The following ATOSA variants were observed in gnomAD, a reference collection of about 807,000 sequenced individuals.
The protein encoded by ATOSA is atos homolog protein A.
At chr15:52,694,641 A>G in the ATOSA span, among the ~76,000 whole-genome samples, 1 of 151,954 alleles carries the variant, frequency 6.6e-6, no homozygotes, top group African/African-American at 2.4e-5. Flanking sequence ...CGAATATAGC[A>G]AGACCCCGCC....
At chr15:52,684,261 A>G in the ATOSA span, among the ~76,000 whole-genome samples, 1 of 152,212 alleles carries the variant, frequency 6.6e-6, no homozygotes, top group Non-Finnish European at 1.5e-5. Context: ...TCAGCTGGGC[A>G]TGGTAGCTCA....
At chr15:52,649,446 AT>A in the ATOSA span, 16 of 152,140 alleles carry the variant, frequency 1.1e-4, no homozygotes, top group African/African-American at 3.9e-4. Context: ...TAAGTTACAT[AT>A]TTTTTAAAGA....
the ATOSA span, among the ~76,000 whole-genome samples, chr15:52,628,622 C>A: frequency 6.6e-6 from 1 of 151,990 alleles, no homozygotes. Flanking sequence ...AAAACACTAT[C>A]CTAGATACAG....
chr15:52,622,220 T>C, the ATOSA span, among the ~76,000 whole-genome samples: 2 of 152,246 alleles, frequency 1.3e-5, no homozygotes, highest in African/African-American at 4.8e-5. Context: ...GGTAACAGTA[T>C]ACTGGTTCTG....
the ATOSA span, among the ~76,000 whole-genome samples, chr15:52,589,776 A>G: frequency 2.1e-3 from 321 of 152,028 alleles, 3 homozygotes; most frequent in African/African-American, 7.3e-3. Context: ...AAAGAGAAAA[A>G]CACATTTTCT....
chr15:52,638,698 CAA>C, the ATOSA span, among the ~76,000 whole-genome samples: 57,701 of 101,316 alleles, frequency 0.57, 17,142 homozygotes, highest in Non-Finnish European at 0.7. Context: ...GAGACTCTGC[CAA>C]AAAAAAAAAA....
At chr15:52,701,477 A>C in the ATOSA span, among the ~76,000 whole-genome samples, 1 of 152,228 alleles carries the variant, frequency 6.6e-6, no homozygotes, top group African/African-American at 2.4e-5. Context: ...TGATTTCTTC[A>C]ATCACTAGTA....
the ATOSA span, among the ~76,000 whole-genome samples, chr15:52,687,163 T>C: frequency 6.6e-6 from 1 of 152,192 alleles, no homozygotes; most frequent in Non-Finnish European, 1.5e-5. Flanking sequence ...CCCAGCACCT[T>C]GGGAGGCTGA....
At chr15:52,703,004 T>C in the ATOSA span, among the ~76,000 whole-genome samples, 1 of 152,078 alleles carries the variant, frequency 6.6e-6, no homozygotes, top group Non-Finnish European at 1.5e-5. Flanking sequence ...AGAAACAGCC[T>C]AAATGTCAAT....
the ATOSA span, among the ~76,000 whole-genome samples, chr15:52,638,212 C>T: frequency 6.6e-6 from 1 of 152,162 alleles, no homozygotes; most frequent in Non-Finnish European, 1.5e-5. Context: ...GAATCGAGTG[C>T]TGAAGAAATT....
chr15:52,634,604 CTTTTTT>C, the ATOSA span, among the ~76,000 whole-genome samples: 4 of 109,676 alleles, frequency 3.6e-5, no homozygotes, highest in Middle Eastern at 9.2e-3. Context: ...TTTTTCTTTT[CTTTTTT>C]TTTTTTTTTG....
chr15:52,668,824 A>G, the ATOSA span, among the ~76,000 whole-genome samples: 3 of 152,014 alleles, frequency 2.0e-5, no homozygotes, highest in African/African-American at 4.8e-5. Flanking sequence ...AGATAAAACA[A>G]AAGTTGTAAA....
the ATOSA span, chr15:52,677,994 C>G: frequency 1.9e-6 from 3 of 1,613,988 alleles, no homozygotes; most frequent in Non-Finnish European, 1.7e-6. Context: ...CCTACTTAAA[C>G]AAATCATTTA....
chr15:52,605,262 T>G, the ATOSA span: 5 of 1,531,964 alleles, frequency 3.3e-6, no homozygotes, highest in Non-Finnish European at 4.4e-6. Context: ...AGGAAAATAA[T>G]TAGATGTTAA....
At chr15:52,609,189 C>T in the ATOSA span, 2 of 1,612,734 alleles carry the variant, frequency 1.2e-6, no homozygotes, top group South Asian at 1.1e-5. Flanking sequence ...TCAAAGAACA[C>T]TTTTCTTTAC....
chr15:52,596,195 A>T, the ATOSA span, among the ~76,000 whole-genome samples: 6 of 152,194 alleles, frequency 3.9e-5, no homozygotes, highest in African/African-American at 1.4e-4. Flanking sequence ...GAATATATAA[A>T]TAAATGAATT....
chr15:52,629,433 C>T, the ATOSA span, among the ~76,000 whole-genome samples: 1 of 150,740 alleles, frequency 6.6e-6, no homozygotes. Flanking sequence ...ATGTTAATGA[C>T]ATGTATCCAC....
the ATOSA span, among the ~76,000 whole-genome samples, chr15:52,667,306 A>G: frequency 1.3e-5 from 2 of 152,168 alleles, no homozygotes; most frequent in African/African-American, 4.8e-5. Context: ...CTTATGGCAT[A>G]CTCCAAAACT....
At chr15:52,675,712 T>C in the ATOSA span, among the ~76,000 whole-genome samples, 1 of 152,060 alleles carries the variant, frequency 6.6e-6, no homozygotes, top group Non-Finnish European at 1.5e-5. Context: ...ATCGAGACTA[T>C]CCTGGCTTAC....
Sources: gnomAD v4.1 joint callset for allele counts (sites outside exome capture counted in the v4.1 genomes callset) on GRCh38, gnomAD v4.1.1 for gene constraint, MANE v1.5 for transcripts, NCBI Gene and HGNC (gene_info 2026-07-23, HGNC 2026-07-21) for gene names.